Variants in HMCN1 observed in about 807,000 individuals in gnomAD.
HMCN1 encodes the protein hemicentin-1.
A neutral mutation model predicts 625.9 loss-of-function variants in HMCN1; 321 were observed. That is an observed-to-expected ratio of 0.51 (90% CI 0.47 to 0.56). The LOEUF (loss-of-function observed/expected upper bound fraction) is 0.56. Among genes scored for constraint, HMCN1 ranks in the 20% least tolerant of loss-of-function variants. The pLI is 0.00. For missense variants in HMCN1, 6,588 were observed against 6,887.3 expected, an observed-to-expected ratio of 0.96 and a Z score of 1.54; for synonymous variants, 2,425 against 2,417.6, an observed-to-expected ratio of 1.00 and a Z score of -0.09.
intron 15 of HMCN1, among the ~76,000 whole-genome samples, chr1:185,972,799 A>G (rs1006202590): frequency 6.6e-6 from 1 of 152,098 alleles, no homozygotes; most frequent in African/African-American, 2.4e-5. Context: ...AGTGCCTGGT[A>G]TTCTCATTTG....
At chr1:185,748,066 T>G (rs146336015) in intron 1 of HMCN1, among the ~76,000 whole-genome samples, 3,326 of 125,370 alleles carry the variant, frequency 0.027, 131 homozygotes, top group African/African-American at 0.096. Flanking sequence ...TTTTTACAAA[T>G]AGAAGGTCAA....
chr1:185,961,690 T>C (rs543334546), intron 11 of HMCN1, among the ~76,000 whole-genome samples: 1 of 152,210 alleles, frequency 6.6e-6, no homozygotes, highest in African/African-American at 2.4e-5. Flanking sequence ...TATATCAACA[T>C]CCCAGAATTA....
intron 93 of HMCN1, among the ~76,000 whole-genome samples, chr1:186,147,362 A>G (rs1191705211): frequency 6.7e-6 from 1 of 149,062 alleles, no homozygotes; most frequent in Admixed American, 6.7e-5. Context: ...CAATTCAGAC[A>G]TAAGCTCTAT....
At chr1:186,116,803 C>T (rs1028081387) in intron 75 of HMCN1, among the ~76,000 whole-genome samples, 191 bp from the exon 76 acceptor site, 1 of 152,110 alleles carries the variant, frequency 6.6e-6, no homozygotes, top group African/African-American at 2.4e-5. Context: ...AAGTTTGAGG[C>T]TCTAGAAAGC....
At chr1:186,027,617 T>C (rs759124770) in intron 36 of HMCN1, among the ~76,000 whole-genome samples, 1 of 152,328 alleles carries the variant, frequency 6.6e-6, no homozygotes, top group East Asian at 1.9e-4. Flanking sequence ...AATGAAAGAC[T>C]ACATGTGAAA....
At chr1:185,962,491 T>C in intron 11 of HMCN1, 27 bp from the exon 12 acceptor site, 1 of 1,607,374 alleles carries the variant, frequency 6.2e-7, no homozygotes, top group Non-Finnish European at 8.5e-7. Context: ...TTGGCATTTT[T>C]CTACATACGT....
intron 1 of HMCN1, among the ~76,000 whole-genome samples, chr1:185,821,942 A>T (rs1272042765): frequency 2.0e-5 from 3 of 151,960 alleles, no homozygotes; most frequent in Non-Finnish European, 1.5e-5. Flanking sequence ...GAATATTGCT[A>T]AGTGAAAGAA....
In HMCN1 at chr1:185,782,538, C is replaced by G. The variant is rs571800462; in HGVS notation, c.268+47491C>G. Among the ~76,000 whole-genome samples the G allele has an allele frequency of 1.0e-3, 156 of 152,258 alleles. 1 individual carries two copies. The highest frequency in any genetic ancestry group is 5.4e-3 in the South Asian group (26 of 4,810). ...CCTTCAGGAGCTCTTTTAGGGCAGG[C>G]CTGGTGGTGACAAAATCTCTCAGCA... is the stretch of plus-strand genomic sequence containing the variant. On this transcript the variant is annotated intron_variant, in intron 1 of 106. Coordinates refer to ENST00000271588, the MANE Select transcript of HMCN1 (RefSeq NM_031935.3).
chr1:185,775,880 T>C (rs1656568647), intron 1 of HMCN1, among the ~76,000 whole-genome samples: 1 of 152,182 alleles, frequency 6.6e-6, no homozygotes, highest in African/African-American at 2.4e-5. Context: ...AGCTTTAACA[T>C]TGTTGAAAGA....
rs888387392 is a variant in HMCN1, at chr1:186,065,274, G to A, written c.7550G>A (p.Gly2517Glu). Residue 2517 changes from glycine (G) to glutamate (E), a missense_variant, in exon 49 of 107, where the codon GGG becomes GAG. Coordinates refer to ENST00000271588, the MANE Select transcript of HMCN1 (RefSeq NM_031935.3). ...CCAGAAATTACATGGCACAAAGATG[G>A]GCAGCCCCTCCAAGAAGATGAAGCC... ...PVPEITWHKD[G>E]QPLQEDEAHH... 5 of 1,612,434 alleles carry A rather than the reference G, an allele frequency of 3.1e-6. No homozygotes were observed. The highest frequency in any genetic ancestry group is 4.2e-6 in the Non-Finnish European group (5 of 1,179,808).
chr1:185,898,325 A>G (rs1665602717), intron 4 of HMCN1, among the ~76,000 whole-genome samples: 1 of 152,196 alleles, frequency 6.6e-6, no homozygotes, highest in African/African-American at 2.4e-5. Flanking sequence ...GGAGCAAGTC[A>G]GGAAGTTGAG....
intron 97 of HMCN1, among the ~76,000 whole-genome samples, chr1:186,163,670 T>C (rs1404454639): frequency 2.0e-5 from 3 of 152,180 alleles, no homozygotes; most frequent in Non-Finnish European, 4.4e-5. Context: ...TCATGAAAAA[T>C]GCTTAATATA....
intron 80 of HMCN1, among the ~76,000 whole-genome samples, chr1:186,120,381 A>G (rs796755914): frequency 3.9e-4 from 60 of 152,288 alleles, no homozygotes; most frequent in African/African-American, 1.2e-3. Flanking sequence ...TTGAACTTCT[A>G]TGAACCTCTG....
chr1:186,074,828 T>G lies in HMCN1; in HGVS notation c.8227T>G (p.Tyr2743Asp). Residue 2743 changes from tyrosine (Y) to aspartate (D), a missense_variant, in exon 53 of 107, where the codon TAT (tyrosine) becomes GAT (aspartate). Physicochemically the swap from Tyr to Asp is radical, Grantham distance 160. Coordinates refer to ENST00000271588, the MANE Select transcript of HMCN1 (RefSeq NM_031935.3). Reference sequence around the variant, plus strand: ...GGCTCAAATATCAGACACCGGACGATATACTTGTGTAGCATCTAACATTGC... The same window carrying G: ...GGCTCAAATATCAGACACCGGACGAGATACTTGTGTAGCATCTAACATTGC... The part of the protein sequence containing the change: ...KEAQISDTGR[Y>D]TCVASNIAGE... 6.2e-7 allele frequency: 1 copy of G among 1,613,104 alleles called. No individual in the cohort carries two copies. Among genetic ancestry groups the G allele is most frequent in the Non-Finnish European group, 8.5e-7 (1 of 1,179,344 alleles).
intron 4 of HMCN1, among the ~76,000 whole-genome samples, chr1:185,901,464 A>G (rs1450952916): frequency 1.3e-5 from 2 of 151,766 alleles, no homozygotes; most frequent in Non-Finnish European, 3.0e-5. Flanking sequence ...TAAGATTTAG[A>G]GTCCTATGCC....
intron 64 of HMCN1, 101 bp from the exon 65 acceptor site, chr1:186,093,033 A>C: frequency 6.6e-7 from 1 of 1,524,720 alleles, no homozygotes; most frequent in South Asian, 1.1e-5. Context: ...GGTTGCTTGA[A>C]TTTTCCATCA....
At chr1:185,772,551 T>C (rs908623007) in intron 1 of HMCN1, among the ~76,000 whole-genome samples, 32 of 152,254 alleles carry the variant, frequency 2.1e-4, no homozygotes, top group African/African-American at 7.5e-4. Context: ...TAGACAGTTA[T>C]ATGTTTGTAT....
chr1:186,100,028 G>GT (rs1452014401), intron 68 of HMCN1, among the ~76,000 whole-genome samples: 4 of 152,036 alleles, frequency 2.6e-5, no homozygotes, highest in Non-Finnish European at 5.9e-5. Context: ...CATACAGCCT[G>GT]TAAATGCAGG....
Position 185,997,609 on chromosome 1 carries a change from A to G in HMCN1, c.3874+85A>G. On this transcript the variant is annotated intron_variant, in intron 25 of 106. Transcript: ENST00000271588. Reference sequence around the variant, plus strand: ...ATTGAACCCAAATTGTCATCCTTATAAAATTCCACATCAATCCTTGGTAGA... The same window carrying G: ...ATTGAACCCAAATTGTCATCCTTATGAAATTCCACATCAATCCTTGGTAGA... 3.3e-6 allele frequency: 3 copies of G among 908,128 alleles called. No individual in the cohort carries two copies. In the East Asian group the frequency reaches 7.5e-5, roughly 23 times the overall value. The allele number at this position is 908,128 out of a possible 1,614,324, so 56.3% of individuals were successfully genotyped here. A position where few individuals can be genotyped will look rare whatever the true frequency, so the allele number is the denominator to read the frequency against.
Sources: gnomAD v4.1 joint callset for allele counts (sites outside exome capture counted in the v4.1 genomes callset) on GRCh38, gnomAD v4.1.1 for gene constraint, MANE v1.5 for transcripts, NCBI Gene and HGNC (gene_info 2026-07-23, HGNC 2026-07-21) for gene names.